USP7: variants seen among roughly 807,000 people sequenced by gnomAD.
USP7 encodes ubiquitin specific peptidase 7, also known as ubiquitin C-terminal hydrolase 7.
A neutral mutation model predicts 162.9 loss-of-function variants in USP7; 9 were observed. The observed-to-expected ratio is 0.06, with a 90% CI of 0.03 to 0.10. The LOEUF (loss-of-function observed/expected upper bound fraction) is 0.10, where lower values mean the gene tolerates loss of function less well. USP7 is among the 10% of genes least tolerant of loss of function. USP7 has a pLI of 1.00. For synonymous variants in USP7, 562 were observed against 475.9 expected (o/e 1.18, Z -2.35); for missense variants, 715 against 1,373.7 (o/e 0.52, Z 7.58).
chr16:8,935,201 A>AT (rs35380091), intron 1 of USP7, among the ~76,000 whole-genome samples: 30,485 of 136,390 alleles, frequency 0.22, 3,841 homozygotes, highest in South Asian at 0.33. Flanking sequence ...TAAGGCACTA[A>AT]TTTTTTTTTT....
chr16:8,935,104 T>C lies in USP7; in HGVS notation c.80-4707A>G, dbSNP rs1021193726. On this transcript the variant is annotated intron_variant, in intron 1 of 30. Transcript: ENST00000344836. The stretch of plus-strand genomic sequence containing the variant: ...TGGCATGCACATACATTTACTGCCA[T>C]GTAAGAGTGATGTAATACCAAGTTT... Among the ~76,000 whole-genome samples the C allele has an allele frequency of 1.8e-4, 28 of 152,296 alleles. 1 individual carries two copies. The highest frequency in any genetic ancestry group is 6.5e-4 in the African/African-American group (27 of 41,560).
At chr16:8,939,293 C>T (rs1898922657) in intron 1 of USP7, among the ~76,000 whole-genome samples, 1 of 152,260 alleles carries the variant, frequency 6.6e-6, no homozygotes, top group African/African-American at 2.4e-5. Context: ...TCCCCGGCAA[C>T]CCTCATATGT....
chr16:8,947,893 G>A (rs576325515), intron 1 of USP7, among the ~76,000 whole-genome samples: 40 of 152,312 alleles, frequency 2.6e-4, no homozygotes, highest in Non-Finnish European at 5.1e-4. Flanking sequence ...CAATTCGGAA[G>A]GTGGGAGTAA....
intron 1 of USP7, among the ~76,000 whole-genome samples, chr16:8,951,341 C>T (rs1899538530): frequency 1.5e-4 from 1 of 6,854 alleles, no homozygotes; most frequent in South Asian, 5.3e-3. Context: ...TAGCCCTGAC[C>T]CAGTTTTCCT....
chr16:8,908,803 C>A lies in USP7; in HGVS notation c.1162-353G>T, dbSNP rs142965851. ...TAAACACTGTGCAAATTATGGAGAA[C>A]CACAGAAAAATCATTAAATGGAAAA... On this transcript the variant is annotated intron_variant, in intron 11 of 30. Transcript: ENST00000344836. Among the ~76,000 whole-genome samples, 218 of 152,284 alleles carry A rather than the reference C, an allele frequency of 1.4e-3. 1 individual carries two copies. The highest frequency in any genetic ancestry group is 5.1e-3 in the African/African-American group (211 of 41,538).
intron 1 of USP7, among the ~76,000 whole-genome samples, chr16:8,946,381 G>T (rs374329334): frequency 9.2e-5 from 14 of 152,082 alleles, no homozygotes; most frequent in African/African-American, 3.4e-4. Context: ...AGGAGTTCAA[G>T]ACCAGCCTGG....
In USP7 at chr16:8,916,982, A is replaced by AAC. The variant is rs1555465214; in HGVS notation, c.851+43_851+44insGT. ...ACTCACTTGTCCTAAAAAAAAAAAA[A>AAC]AAAAGAGGAAGCAGAATGGCAAAGG... is the stretch of plus-strand genomic sequence containing the variant. On this transcript the variant is annotated intron_variant, in intron 7 of 30. Transcript: ENST00000344836. 5 of 1,510,912 alleles carry AAC rather than the reference A, an allele frequency of 3.3e-6. No individual in the cohort carries two copies. In the South Asian group the frequency reaches 7.0e-5, roughly 21 times the overall value. 93.6% of individuals were successfully genotyped at this position (1,510,912 alleles called of 1,614,324 possible).
rs191688539 is a variant in USP7, at chr16:8,893,980, A to C, written c.*18T>G. ...CCACCCACACACCGTCCTCGCCTTG[A>C]ACACACCAGCTTGGAAATCAGTTAT... On this transcript the variant is annotated 3_prime_UTR_variant, in exon 31 of 31. Coordinates refer to ENST00000344836, the MANE Select transcript of USP7 (RefSeq NM_003470.3). 1.2e-5 allele frequency: 19 copies of C among 1,612,862 alleles called. No individual in the cohort carries two copies. In the South Asian group the frequency reaches 2.0e-4, roughly 17 times the overall value.
intron 1 of USP7, among the ~76,000 whole-genome samples, chr16:8,943,560 A>C (rs1899142456): frequency 1.3e-5 from 2 of 151,918 alleles, no homozygotes; most frequent in African/African-American, 2.4e-5. Flanking sequence ...CGACTAACCA[A>C]CAGGCTCCAC....
intron 1 of USP7, chr16:8,936,783 A>C: frequency 2.3e-5 from 30 of 1,304,632 alleles, no homozygotes; most frequent in East Asian, 3.1e-5. Context: ...AAGCAACCTC[A>C]ATTTAGATAA....
At chr16:8,909,406 G>A (rs1254026846) in intron 11 of USP7, among the ~76,000 whole-genome samples, 1 of 152,140 alleles carries the variant, frequency 6.6e-6, no homozygotes, top group South Asian at 2.1e-4. Flanking sequence ...AGAGGACAGA[G>A]CTATCTCAGG....
intron 12 of USP7, among the ~76,000 whole-genome samples, chr16:8,907,931 G>C (rs977203930): frequency 1.3e-5 from 2 of 152,336 alleles, no homozygotes; most frequent in South Asian, 4.1e-4. Context: ...CGCCAACTGA[G>C]AGACAACAAA....
intron 1 of USP7, among the ~76,000 whole-genome samples, chr16:8,956,152 T>A (rs9939495): frequency 0.24 from 36,264 of 152,084 alleles, 5,109 homozygotes; most frequent in African/African-American, 0.39. Flanking sequence ...CAGGAAACCT[T>A]AGTTACTGGC....
At chr16:8,926,718 C>T (rs954367928) in intron 2 of USP7, among the ~76,000 whole-genome samples, 1 of 152,224 alleles carries the variant, frequency 6.6e-6, no homozygotes, top group African/African-American at 2.4e-5. Flanking sequence ...AAAATTAGCA[C>T]TTCATGCACA....
chr16:8,928,846 A>G (rs561219592), intron 2 of USP7, among the ~76,000 whole-genome samples: 1 of 152,212 alleles, frequency 6.6e-6, no homozygotes, highest in Non-Finnish European at 1.5e-5. Flanking sequence ...CTTTACCCAT[A>G]TTGTCCCCTC....
intron 1 of USP7, among the ~76,000 whole-genome samples, chr16:8,961,383 T>C (rs1308023078): frequency 1.3e-5 from 2 of 150,966 alleles, no homozygotes; most frequent in African/African-American, 4.9e-5. Flanking sequence ...TCCCAGCTAC[T>C]TGGGAGGCTG....
At chr16:8,927,617 C>T (rs368915498) in intron 2 of USP7, among the ~76,000 whole-genome samples, 1 of 152,108 alleles carries the variant, frequency 6.6e-6, no homozygotes, top group African/African-American at 2.4e-5. Flanking sequence ...AGGTGGATCA[C>T]CTGAGGTCAG....
rs2061825032 is a variant in USP7, at chr16:8,904,352, G to A, written c.1704+83C>T. The stretch of plus-strand genomic sequence containing the variant: ...CATGGTGACCTGGGAGTCCCAGAGG[G>A]GTGGGGGCTGACCTGCACTTGTGTA... On this transcript the variant is annotated intron_variant, in intron 15 of 30. Transcript: ENST00000344836. The A allele has an allele frequency of 6.4e-6, 10 of 1,565,640 alleles. No individual in the cohort carries two copies. The South Asian group carries it at 1.2e-4, about 19-fold the overall frequency.
At chr16:8,924,639 C>G (rs755550443) in intron 2 of USP7, among the ~76,000 whole-genome samples, 1 of 152,232 alleles carries the variant, frequency 6.6e-6, no homozygotes, top group Non-Finnish European at 1.5e-5. Flanking sequence ...ATCCAACAAC[C>G]CTTCAGACTC....
Sources: gnomAD v4.1 joint callset for allele counts (sites outside exome capture counted in the v4.1 genomes callset) on GRCh38, gnomAD v4.1.1 for gene constraint, MANE v1.5 for transcripts, NCBI Gene and HGNC (gene_info 2026-07-23, HGNC 2026-07-21) for gene names.